The following TRIM5 variants were observed in gnomAD, a reference collection of about 807,000 sequenced individuals.
TRIM5 encodes the protein tripartite motif containing 5, also known as tripartite motif-containing protein 5.
A neutral mutation model predicts 35.6 loss-of-function variants in TRIM5; 31 were observed. That is an observed-to-expected ratio of 0.87 (90% CI 0.65 to 1.18). The LOEUF (loss-of-function observed/expected upper bound fraction) is 1.18. TRIM5 is among the 50% of genes most tolerant of loss of function. The pLI, the probability that TRIM5 is intolerant of heterozygous loss-of-function variation, is 0.00. For missense variants in TRIM5, 609 were observed against 591.6 expected (o/e 1.03, Z -0.31); for synonymous variants, 243 against 215.6 (o/e 1.13, Z -1.11).
chr11:5,596,763 G>A, the TRIM5 span: 8 of 1,358,872 alleles, frequency 5.9e-6, no homozygotes, highest in Admixed American at 3.5e-5. Flanking sequence ...AGTCGTGCGT[G>A]GTTGAGTTTA....
At chr11:5,624,702 CCACT>C in the TRIM5 span, 1 of 152,172 alleles carries the variant, frequency 6.6e-6, no homozygotes, top group Non-Finnish European at 1.5e-5. Flanking sequence ...TGACCTGTAC[CCACT>C]AAGATGCCAG....
At chr11:5,596,724 C>T in the TRIM5 span, 3 of 985,710 alleles carry the variant, frequency 3.0e-6, no homozygotes, top group East Asian at 2.6e-5. Flanking sequence ...GGAGGGATCC[C>T]CTGCCTTTCT....
the TRIM5 span, among the ~76,000 whole-genome samples, chr11:5,625,290 G>C: frequency 2.6e-4 from 40 of 152,256 alleles, no homozygotes; most frequent in Admixed American, 1.6e-3. Context: ...TTGTTTTCTG[G>C]GGTGTCTTTT....
intron 1 of TRIM5, among the ~76,000 whole-genome samples, chr11:5,680,653 A>G (rs17305868): frequency 0.48 from 72,409 of 151,980 alleles, 17,622 homozygotes; most frequent in Non-Finnish European, 0.52. Context: ...TCAGCATGAA[A>G]TGTTTCTCTG....
Position 5,680,202 on chromosome 11 carries a change from T to C in TRIM5, c.-25A>G. ...TAGTAGCTATTCCACTGCTCCTGCCTGTCCTGGCTGCTGAGGTTCCTCTTG... is the reference window on the plus strand; with the variant it reads ...TAGTAGCTATTCCACTGCTCCTGCCCGTCCTGGCTGCTGAGGTTCCTCTTG... On this transcript the variant is annotated 5_prime_UTR_variant, in exon 2 of 8. Transcript: ENST00000380034. 6.4e-7 allele frequency: 1 copy of C among 1,556,010 alleles called. No homozygotes were observed. Among genetic ancestry groups the C allele is most frequent in the Non-Finnish European group, 8.7e-7 (1 of 1,149,050 alleles).
chr11:5,629,547 C>T, the TRIM5 span, among the ~76,000 whole-genome samples: 1 of 152,148 alleles, frequency 6.6e-6, no homozygotes, highest in Admixed American at 6.5e-5. Flanking sequence ...TATCATCATG[C>T]CACTACTCTG....
At chr11:5,605,359 G>A in the TRIM5 span, 4 of 1,614,172 alleles carry the variant, frequency 2.5e-6, no homozygotes, top group Non-Finnish European at 3.4e-6. Context: ...CCTGAGAGAT[G>A]CAGGATCCAG....
chr11:5,678,904 T>C (rs1852204970), intron 3 of TRIM5, among the ~76,000 whole-genome samples, 170 bp downstream of exon 3: 2 of 152,204 alleles, frequency 1.3e-5, no homozygotes, highest in Non-Finnish European at 2.9e-5. Context: ...CTGTGTTCAC[T>C]GTGACATATT....
chr11:5,620,409 G>A, the TRIM5 span, among the ~76,000 whole-genome samples: 5 of 151,100 alleles, frequency 3.3e-5, no homozygotes, highest in African/African-American at 1.2e-4. Context: ...GAATTCCTTG[G>A]CCAGACTGGA....
At chr11:5,605,238 G>A in the TRIM5 span, 5 of 1,530,332 alleles carry the variant, frequency 3.3e-6, no homozygotes, top group Non-Finnish European at 4.5e-6. Context: ...GGGAGGCTTG[G>A]CCCAGGAAAG....
chr11:5,644,204 T>C, the TRIM5 span: 1 of 398,984 alleles, frequency 2.5e-6, no homozygotes, highest in Non-Finnish European at 4.4e-6. Flanking sequence ...TCCAGAGTAT[T>C]TGAGCTCAAA....
chr11:5,670,845 G>GAGA (rs1851535698), intron 4 of TRIM5, among the ~76,000 whole-genome samples: 1 of 152,172 alleles, frequency 6.6e-6, no homozygotes, highest in Admixed American at 6.5e-5. Context: ...AAACACAGCA[G>GAGA]AGACATTAGC....
chr11:5,600,914 A>G, the TRIM5 span, among the ~76,000 whole-genome samples: 22 of 152,334 alleles, frequency 1.4e-4, no homozygotes, highest in African/African-American at 5.3e-4. Context: ...CCCAGTGAAA[A>G]TAACTCAGTG....
chr11:5,662,404 GTAT>G (rs1316803466), downstream of TRIM5, among the ~76,000 whole-genome samples: 1 of 152,098 alleles, frequency 6.6e-6, no homozygotes, highest in Non-Finnish European at 1.5e-5. Context: ...AGGAGAACAA[GTAT>G]TTTTTTGTCA....
intron 4 of TRIM5, among the ~76,000 whole-genome samples, chr11:5,675,086 T>C (rs1851843285): frequency 1.3e-5 from 2 of 151,974 alleles, no homozygotes; most frequent in South Asian, 2.1e-4. Flanking sequence ...TGGAGTGCAG[T>C]GGTGCAGTCT....
chr11:5,675,889 C>T (rs1277174262), intron 4 of TRIM5, among the ~76,000 whole-genome samples: 1 of 97,224 alleles, frequency 1.0e-5, no homozygotes, highest in African/African-American at 3.3e-5. Flanking sequence ...GTGTGATATT[C>T]CCCTTCCTGT....
At chr11:5,679,025 G>T in intron 3 of TRIM5, 49 bp downstream of exon 3, 1 of 1,497,804 alleles carries the variant, frequency 6.7e-7, no homozygotes, top group Non-Finnish European at 9.3e-7. Context: ...CCTTCCCCTG[G>T]TCCTGCCCAG....
chr11:5,603,602 G>A, the TRIM5 span: 3 of 1,613,862 alleles, frequency 1.9e-6, no homozygotes, highest in South Asian at 3.3e-5. Flanking sequence ...GCAGTTCTTT[G>A]TGCAGACCAT....
At chr11:5,616,076 G>A in the TRIM5 span, among the ~76,000 whole-genome samples, 7 of 149,886 alleles carry the variant, frequency 4.7e-5, no homozygotes, top group East Asian at 2.0e-4. Flanking sequence ...TCAGCCTCCC[G>A]AGTAGCTGGG....
Sources: gnomAD v4.1 joint callset for allele counts (sites outside exome capture counted in the v4.1 genomes callset) on GRCh38, gnomAD v4.1.1 for gene constraint, MANE v1.5 for transcripts, NCBI Gene and HGNC (gene_info 2026-07-23, HGNC 2026-07-21) for gene names.